The following SLC35F4 variants were observed in gnomAD, a reference collection of about 807,000 sequenced individuals.
SLC35F4 encodes the protein solute carrier family 35 member F4, also known as chromosome 14 open reading frame 36.
A neutral mutation model predicts 44.2 loss-of-function variants in SLC35F4; 24 were observed. The ratio of observed to expected loss-of-function variants is 0.54; its 90% CI spans 0.39 to 0.76. The LOEUF (loss-of-function observed/expected upper bound fraction) is 0.76, where lower values mean the gene tolerates loss of function less well. Ranked by LOEUF, SLC35F4 falls within the 30% of genes least tolerant of loss-of-function variation. The pLI is 0.00. For synonymous variants in SLC35F4, 238 were observed against 223.6 expected (o/e 1.06, Z -0.57); for missense variants, 562 against 586.1 (o/e 0.96, Z 0.42).
intron 1 of SLC35F4, among the ~76,000 whole-genome samples, chr14:57,628,975 C>T (rs1170374276): frequency 6.6e-6 from 1 of 152,110 alleles, no homozygotes; most frequent in Non-Finnish European, 1.5e-5. Flanking sequence ...GCACAAGAAG[C>T]ATAAAAACAG....
chr14:57,803,197 C>CA (rs1372018811), intron 1 of SLC35F4, among the ~76,000 whole-genome samples: 1 of 152,058 alleles, frequency 6.6e-6, no homozygotes, highest in African/African-American at 2.4e-5. Flanking sequence ...TAACTAAAGG[C>CA]AAAAACCACA....
intron 1 of SLC35F4, among the ~76,000 whole-genome samples, chr14:57,691,451 G>A (rs944832913): frequency 8.5e-5 from 13 of 152,122 alleles, no homozygotes; most frequent in African/African-American, 2.9e-4. Flanking sequence ...AATGGTGGAC[G>A]TGCTATTTAA....
chr14:57,808,067 G>C (rs1241652220), intron 1 of SLC35F4, among the ~76,000 whole-genome samples: 1 of 151,798 alleles, frequency 6.6e-6, no homozygotes, highest in Non-Finnish European at 1.5e-5. Flanking sequence ...CCTCCCACCA[G>C]GTCCCTCCCA....
At chr14:57,944,112 C>T (rs1889965935) in intron 1 of SLC35F4, among the ~76,000 whole-genome samples, 1 of 152,164 alleles carries the variant, frequency 6.6e-6, no homozygotes, top group Non-Finnish European at 1.5e-5. Flanking sequence ...CTTGTGATTG[C>T]AGGAAAAGTC....
rs376705378 is a variant in SLC35F4 at position 57,844,834 on chromosome 14, A to G, written c.103+20889T>C. Among the ~76,000 whole-genome samples the G allele has an allele frequency of 1.4e-4, 21 of 152,218 alleles. No individual in the cohort carries two copies. In the East Asian group the frequency reaches 4.1e-3, roughly 29 times the overall value. ...CTTCACTGCCCTCCGCCCTCTGTCC[A>G]TAGAAAACTGTAAGATTCCAGACAC... On this transcript the variant is annotated intron_variant, in intron 1 of 7. Transcript: ENST00000556826.
chr14:57,880,227 G>C (rs1343562124), intron 1 of SLC35F4, among the ~76,000 whole-genome samples: 1 of 151,910 alleles, frequency 6.6e-6, no homozygotes, highest in Non-Finnish European at 1.5e-5. Flanking sequence ...AAAATGAGAT[G>C]GTGTACTTAA....
chr14:57,625,281 A>T (rs1300659752), intron 1 of SLC35F4, among the ~76,000 whole-genome samples: 1 of 152,166 alleles, frequency 6.6e-6, no homozygotes, highest in Non-Finnish European at 1.5e-5. Context: ...ACTACAAAAC[A>T]CTGCTCAAGG....
chr14:57,787,136 T>G (rs939698621), intron 1 of SLC35F4, among the ~76,000 whole-genome samples: 1 of 152,072 alleles, frequency 6.6e-6, no homozygotes, highest in Non-Finnish European at 1.5e-5. Flanking sequence ...GTCTCAGCAA[T>G]AGAACTGAAC....
intron 1 of SLC35F4, among the ~76,000 whole-genome samples, chr14:57,731,457 A>C (rs539041506): frequency 3.3e-5 from 5 of 152,258 alleles, no homozygotes; most frequent in Admixed American, 3.3e-4. Context: ...TGCCCTTTCC[A>C]CTGTGGAAGC....
In SLC35F4 at chr14:57,907,831, T is replaced by C. The variant is rs60438368; in HGVS notation, n.282+74082A>G. On this transcript the variant is annotated intron_variant and non_coding_transcript_variant, in intron 1 of 1. Coordinates refer to the SLC35F4 transcript ENST00000556568. Reference sequence around the variant, plus strand: ...AAATAATAATAAACCTTATTTTTTTTTATTTTACGTTCTGGGATAAATGTA... The same window carrying C: ...AAATAATAATAAACCTTATTTTTTTCTATTTTACGTTCTGGGATAAATGTA... Among the ~76,000 whole-genome samples the C allele has an allele frequency of 3.9e-3, 595 of 152,224 alleles. 5 individuals carry two copies. Among genetic ancestry groups the C allele is most frequent in the African/African-American group, 0.013 (558 of 41,534 alleles).
intron 1 of SLC35F4, among the ~76,000 whole-genome samples, chr14:57,937,683 A>G (rs967548871): frequency 4.6e-5 from 7 of 152,168 alleles, no homozygotes; most frequent in Admixed American, 1.3e-4. Flanking sequence ...CACAAAGGAT[A>G]AAAGATCTGG....
At position 57,585,462 on chromosome 14, in the gene SLC35F4, A is replaced by ATG. The variant is rs1425610821; in HGVS notation, c.587+3753_587+3754insCA. 5.3e-5 allele frequency among the ~76,000 whole-genome samples: 8 copies of ATG among 152,208 alleles called. No individual in the cohort carries two copies. The East Asian group carries it at 1.5e-3, about 29-fold the overall frequency. ...AAGGATGCCATCTCTTACCACTCCTATTCAACATAGTATTGGAAGTTCTGG... is the reference window on the plus strand; with the variant it reads ...AAGGATGCCATCTCTTACCACTCCTATGTTCAACATAGTATTGGAAGTTCTGG... On this transcript the variant is annotated intron_variant, in intron 3 of 7. Coordinates refer to ENST00000556826, the MANE Select transcript of SLC35F4 (RefSeq NM_001306087.2).
chr14:57,689,945 CA>C (rs1336082390), intron 1 of SLC35F4, among the ~76,000 whole-genome samples: 1 of 151,998 alleles, frequency 6.6e-6, no homozygotes, highest in East Asian at 1.9e-4. Flanking sequence ...AGCATGTAAC[CA>C]CTTTGTCTTT....
intron 1 of SLC35F4, among the ~76,000 whole-genome samples, chr14:57,822,554 G>T: frequency 6.6e-6 from 1 of 151,678 alleles, no homozygotes; most frequent in East Asian, 1.9e-4. Context: ...TTTTTTCATG[G>T]CCTCTTATTG....
rs138863961 is a variant in SLC35F4 at position 57,587,948 on chromosome 14, G to A, written c.587+1268C>T. On this transcript the variant is annotated intron_variant, in intron 3 of 7. Transcript: ENST00000556826. ...CGCCTGTAATCCCAGTACTTTGGGC[G>A]GCCAAGGTGGTCAGATCACTTGAGG... is the stretch of plus-strand genomic sequence containing the variant. Among the ~76,000 whole-genome samples, 1,098 of 150,994 alleles carry A rather than the reference G, an allele frequency of 7.3e-3. 5 individuals carry two copies. Among genetic ancestry groups the A allele is most frequent in the Middle Eastern group, 0.021 (6 of 284 alleles).
chr14:57,875,551 G>C (rs1888381920), intron 1 of SLC35F4, among the ~76,000 whole-genome samples: 1 of 152,190 alleles, frequency 6.6e-6, no homozygotes, highest in Admixed American at 6.5e-5. Flanking sequence ...ATCAGCTGGG[G>C]ACTGAATAGG....
At position 57,835,099 on chromosome 14, in the gene SLC35F4, G is replaced by T. The variant is rs868433195; in HGVS notation, c.103+30624C>A. 3.9e-5 allele frequency among the ~76,000 whole-genome samples: 6 copies of T among 152,330 alleles called. No homozygotes were observed. The Middle Eastern group carries it at 0.017, about 432-fold the overall frequency. On this transcript the variant is annotated intron_variant, in intron 1 of 7. Transcript: ENST00000556826. ...GAAGTATTAACAGACCAATACAGAA[G>T]TTGCTGTTTGCCACAGAAACATGAA...
downstream of SLC35F4, among the ~76,000 whole-genome samples, chr14:57,974,660 G>C (rs1024589167): frequency 6.6e-6 from 1 of 152,162 alleles, no homozygotes; most frequent in Non-Finnish European, 1.5e-5. Flanking sequence ...GTTCCTGTGG[G>C]AGACCTAGCC....
intron 1 of SLC35F4, among the ~76,000 whole-genome samples, chr14:57,939,939 T>C (rs1028456): frequency 0.18 from 26,881 of 152,090 alleles, 3,240 homozygotes; most frequent in East Asian, 0.45. Flanking sequence ...GTTAAACAGG[T>C]TAAGTAAGGA....
Sources: gnomAD v4.1 joint callset for allele counts (sites outside exome capture counted in the v4.1 genomes callset) on GRCh38, gnomAD v4.1.1 for gene constraint, MANE v1.5 for transcripts, NCBI Gene and HGNC (gene_info 2026-07-23, HGNC 2026-07-21) for gene names.